The following SCUBE2 variants were observed in gnomAD, a reference collection of about 807,000 sequenced individuals.
The protein encoded by SCUBE2 is signal peptide, CUB domain and EGF like domain containing 2, also known as signal peptide, CUB and EGF-like domain-containing protein 2.
In SCUBE2, 114 loss-of-function variants were observed where a neutral mutation model predicts 125.9. The ratio of observed to expected loss-of-function variants is 0.91; its 90% CI spans 0.78 to 1.06. The LOEUF (loss-of-function observed/expected upper bound fraction) is 1.06, where lower values mean the gene tolerates loss of function less well. Among genes scored for constraint, SCUBE2 ranks in the 50% least tolerant of loss-of-function variants. The pLI is 0.00. For missense variants in SCUBE2, 1,255 were observed against 1,301.8 expected, an observed-to-expected ratio of 0.96 and a Z score of 0.55; for synonymous variants, 459 against 492.9, an observed-to-expected ratio of 0.93 and a Z score of 0.91.
chr11:9,073,105 AAGC>A (rs1406208734), intron 4 of SCUBE2, among the ~76,000 whole-genome samples: 1 of 152,202 alleles, frequency 6.6e-6, no homozygotes, highest in Non-Finnish European at 1.5e-5. Flanking sequence ...ACTTCCCAGG[AAGC>A]AGCTTTGAGC....
chr11:9,031,700 CAT>C (rs1386515543), intron 17 of SCUBE2, among the ~76,000 whole-genome samples: 2 of 151,916 alleles, frequency 1.3e-5, no homozygotes, highest in African/African-American at 4.8e-5. Context: ...AGATCTTACA[CAT>C]GTTATACCTG....
chr11:9,051,857 A>T (rs930633766), intron 13 of SCUBE2, among the ~76,000 whole-genome samples: 1 of 152,248 alleles, frequency 6.6e-6, no homozygotes, highest in Admixed American at 6.5e-5. Flanking sequence ...TCACCAAGGA[A>T]CTGTCACTGA....
At chr11:9,063,289 A>G (rs1242140094) in intron 7 of SCUBE2, among the ~76,000 whole-genome samples, 1 of 152,254 alleles carries the variant, frequency 6.6e-6, no homozygotes, top group African/African-American at 2.4e-5. Context: ...AAAGAATGTA[A>G]GAAAATTTCT....
At chr11:9,082,106 A>C (rs901931783) in intron 2 of SCUBE2, among the ~76,000 whole-genome samples, 1 of 152,166 alleles carries the variant, frequency 6.6e-6, no homozygotes, top group Admixed American at 6.5e-5. Flanking sequence ...ACATCTTTTC[A>C]TGGGCTTATT....
chr11:9,027,682 C>A (rs1855912312), intron 19 of SCUBE2, 121 bp from the exon 20 acceptor site: 1 of 814,726 alleles, frequency 1.2e-6, no homozygotes, highest in Non-Finnish European at 1.9e-6. Context: ...GAAAATGACA[C>A]CATCTGGGAA....
At chr11:9,066,843 C>G (rs757566560) in intron 5 of SCUBE2, 30 bp from the exon 6 acceptor site, 20 of 1,546,704 alleles carry the variant, frequency 1.3e-5, no homozygotes, top group Non-Finnish European at 1.8e-5. Flanking sequence ...ATACATAAAG[C>G]ACTGAGATTT....
chr11:9,082,211 G>C (rs1336465869), intron 2 of SCUBE2, among the ~76,000 whole-genome samples: 5 of 152,148 alleles, frequency 3.3e-5, no homozygotes, highest in African/African-American at 1.2e-4. Flanking sequence ...AACATTAACA[G>C]TTCTCTACCT....
Position 9,091,423 on chromosome 11 carries a change from G to A in SCUBE2, c.106C>T (p.Arg36Trp). 1 of 1,331,746 alleles carries A rather than the reference G, an allele frequency of 7.5e-7. No individual in the cohort carries two copies. The allele number at this position is 1,331,746 out of a possible 1,614,324, so 82.5% of individuals were successfully genotyped here. ...TCCTGCGGCCCCGCGGCACGGCCCC[G>A]ACCCGGCGGGACGGCCCCCGCCAGC... ...LLLAGAVPPGRGRAAGPQEDV... is the reference protein window; with the variant it reads ...LLLAGAVPPGWGRAAGPQEDV... Residue 36 changes from arginine to tryptophan, a missense_variant, in exon 1 of 23, where the codon CGG (arginine) becomes TGG (tryptophan). By Grantham distance (101) the Arg-to-Trp change is moderately radical. Transcript: ENST00000649792. This position sits in a 1 kb window ranked among gnomAD's most constrained non-coding sequence, Gnocchi z 8.5.
At chr11:9,081,578 G>C (rs1861643277) in intron 2 of SCUBE2, among the ~76,000 whole-genome samples, 1 of 152,000 alleles carries the variant, frequency 6.6e-6, no homozygotes, top group Non-Finnish European at 1.5e-5. Context: ...TCAGCCACTT[G>C]GGAGGCTGAG....
Position 9,091,398 on chromosome 11 carries a change from T to C in SCUBE2, c.131A>G (p.Glu44Gly). The change falls in exon 1 of 23, where the codon GAG (glutamate) becomes GGG (glycine). Residue 44 changes from glutamate (E) to glycine (G), a missense_variant and splice_region_variant. Glu to Gly is a moderately conservative substitution (Grantham distance 98). Coordinates refer to ENST00000649792, the MANE Select transcript of SCUBE2 (RefSeq NM_001367977.2). This position sits in a 1 kb window ranked among gnomAD's most constrained non-coding sequence, Gnocchi z 8.5. The part of the protein sequence containing the change: ...PGRGRAAGPQ[E>G]DVDECAQGLD... ...CGCCCCCGCGGCCGGACACTCACCCTCCTGCGGCCCCGCGGCACGGCCCCG... is the reference window on the plus strand; with the variant it reads ...CGCCCCCGCGGCCGGACACTCACCCCCCTGCGGCCCCGCGGCACGGCCCCG... 2 of 1,310,830 alleles carry C rather than the reference T, an allele frequency of 1.5e-6. No individual in the cohort carries two copies. The highest frequency in any genetic ancestry group is 1.9e-6 in the Non-Finnish European group (2 of 1,036,150). 81.2% of individuals were successfully genotyped at this position (1,310,830 alleles called of 1,614,324 possible). A position where few individuals can be genotyped will look rare whatever the true frequency, so the allele number is the denominator to read the frequency against.
rs374174300 is a variant in SCUBE2, at chr11:9,021,142, A to C, written c.2990T>G (p.Phe997Cys). 5 of 1,613,222 alleles carry C rather than the reference A, an allele frequency of 3.1e-6. No homozygotes were observed. The African/African-American group carries it at 4.0e-5, about 13-fold the overall frequency. Residue 997 changes from phenylalanine (F) to cysteine (C), a missense_variant, in exon 23 of 23, where the codon TTC becomes TGC. Physicochemically the swap from Phe to Cys is radical, Grantham distance 205. Transcript: ENST00000649792. Reference protein sequence around the residue: ...FDVLAHPQNYFKYTAQESREM... With the variant: ...FDVLAHPQNYCKYTAQESREM... Reference sequence around the variant, plus strand: ...TCGGGACTCCTGGGCTGTGTACTTGAAATAGTTCTGGGGATGGGCCAGGAC... The same window carrying C: ...TCGGGACTCCTGGGCTGTGTACTTGCAATAGTTCTGGGGATGGGCCAGGAC...
At chr11:9,089,380 G>C (rs1465802583) in intron 2 of SCUBE2, among the ~76,000 whole-genome samples, 1 of 152,204 alleles carries the variant, frequency 6.6e-6, no homozygotes, top group Non-Finnish European at 1.5e-5. Flanking sequence ...GCTCTGGCAG[G>C]CATGGCTCTC....
chr11:9,075,339 C>T (rs112025074), intron 3 of SCUBE2, among the ~76,000 whole-genome samples: 1,789 of 151,932 alleles, frequency 0.012, 22 homozygotes, highest in Non-Finnish European at 0.014. Context: ...CATGGGGTAT[C>T]GGGATGAATT....
Position 9,091,445 on chromosome 11 carries a change from C to T in SCUBE2, c.84G>A (p.Leu28=). 7.6e-7 allele frequency: 1 copy of T among 1,321,346 alleles called. No individual in the cohort carries two copies. The highest frequency in any genetic ancestry group is 9.6e-7 in the Non-Finnish European group (1 of 1,039,138). 81.9% of individuals were successfully genotyped at this position (1,321,346 alleles called of 1,614,324 possible). ...LLLLLPPLLL[L]AGAVPPGRGR... ...CCCGACCCGGCGGGACGGCCCCCGC[C>T]AGCAGCAGCAGTGGCGGCAGCAGCA... Residue 28 remains leucine (L), a synonymous_variant, in exon 1 of 23, where the codon CTG becomes CTA. Coordinates refer to ENST00000649792, the MANE Select transcript of SCUBE2 (RefSeq NM_001367977.2). This position sits in a 1 kb window ranked among gnomAD's most constrained non-coding sequence, Gnocchi z 8.5.
intron 2 of SCUBE2, among the ~76,000 whole-genome samples, chr11:9,089,282 T>C (rs1862399063): frequency 6.6e-6 from 1 of 152,332 alleles, no homozygotes; most frequent in African/African-American, 2.4e-5. Context: ...TGGAGCCTCC[T>C]GAGCTGGTAG....
At position 9,027,146 on chromosome 11, in the gene SCUBE2, C is replaced by A. The variant is rs933831447; in HGVS notation, c.2701+218G>T. ...GCCCCAGTGAGCACAGAGGGGAAGA[C>A]TGACCTGCAGGATCACTACCTCTGG... is the stretch of plus-strand genomic sequence containing the variant. On this transcript the variant is annotated intron_variant, in intron 20 of 22. Transcript: ENST00000649792. The A allele has an allele frequency of 5.3e-6, 3 of 569,772 alleles. No homozygotes were observed. The African/African-American group carries it at 5.6e-5, about 11-fold the overall frequency. 35.3% of individuals were successfully genotyped at this position (569,772 alleles called of 1,614,324 possible). A position where few individuals can be genotyped will look rare whatever the true frequency, so the allele number is the denominator to read the frequency against.
At chr11:9,082,654 A>C (rs570532255) in intron 2 of SCUBE2, among the ~76,000 whole-genome samples, 12 of 152,368 alleles carry the variant, frequency 7.9e-5, no homozygotes, top group African/African-American at 2.9e-4. Flanking sequence ...AAATGAATGA[A>C]ATGCTGATAT....
At chr11:9,081,170 G>A (rs1352159217) in intron 2 of SCUBE2, among the ~76,000 whole-genome samples, 1 of 152,196 alleles carries the variant, frequency 6.6e-6, no homozygotes, top group Non-Finnish European at 1.5e-5. Context: ...AAACGGCATA[G>A]CCACTTTGGA....
rs1033920182 is a variant in SCUBE2 at position 9,047,705 on chromosome 11, C to G, written c.1796-143G>C. 5 of 962,438 alleles carry G rather than the reference C, an allele frequency of 5.2e-6. No individual in the cohort carries two copies. The African/African-American group carries it at 6.6e-5, about 13-fold the overall frequency. 59.6% of individuals were successfully genotyped at this position (962,438 alleles called of 1,614,324 possible). ...AAACCTGGAGGGGGCACCTAGCAGGCTGGGCAGCATTTGATTCAAACAGAA... is the reference window on the plus strand; with the variant it reads ...AAACCTGGAGGGGGCACCTAGCAGGGTGGGCAGCATTTGATTCAAACAGAA... On this transcript the variant is annotated intron_variant, in intron 15 of 22. Transcript: ENST00000649792.
Sources: gnomAD v4.1 joint callset for allele counts (sites outside exome capture counted in the v4.1 genomes callset) on GRCh38, gnomAD v4.1.1 for gene constraint, Gnocchi (gnomAD v3.1) non-coding constraint, MANE v1.5 for transcripts, NCBI Gene and HGNC (gene_info 2026-07-23, HGNC 2026-07-21) for gene names.